Variants in KIAA1671 observed in about 807,000 individuals in gnomAD.
KIAA1671 encodes the protein KIAA1671.
KIAA1671 carries 52 observed loss-of-function variants against 131.2 expected under a neutral mutation model. The observed-to-expected ratio is 0.40, with a 90% CI of 0.32 to 0.50. KIAA1671 has a LOEUF of 0.50. Ranked by LOEUF, KIAA1671 falls within the 20% of genes least tolerant of loss-of-function variation. The pLI is 0.73. For synonymous variants in KIAA1671, 1,003 were observed against 961.6 expected (o/e 1.04, Z -0.80); for missense variants, 2,360 against 2,364.2 (o/e 1.00, Z 0.04).
intron 6 of KIAA1671, among the ~76,000 whole-genome samples, chr22:25,167,336 C>A (rs1933679344): frequency 6.6e-6 from 1 of 152,186 alleles, no homozygotes; most frequent in African/African-American, 2.4e-5. Flanking sequence ...CTAGTAATTT[C>A]TCTTACGGGA....
intron 6 of KIAA1671, among the ~76,000 whole-genome samples, chr22:25,124,686 C>A (rs988036326): frequency 2.6e-5 from 4 of 152,210 alleles, no homozygotes; most frequent in Non-Finnish European, 5.9e-5. Flanking sequence ...TCCTTACAAC[C>A]TTGATACATT....
In KIAA1671 at chr22:25,028,457, G is replaced by A. The variant is rs1251465441; in HGVS notation, c.458G>A (p.Gly153Asp). Residue 153 changes from glycine (G) to aspartate (D), a missense_variant, in exon 3 of 13, where the codon GGC becomes GAC. This residue lies in a region of KIAA1671 where 1,185 missense variants were observed against 1,126.2 expected (regional missense o/e 1.05). Transcript: ENST00000358431. Reference sequence around the variant, plus strand: ...ATTCTCTTCGAAACCACCAAAAGCGGCCCCGCTCTGGGGAAGGCGGTTAGT... The same window carrying A: ...ATTCTCTTCGAAACCACCAAAAGCGACCCCGCTCTGGGGAAGGCGGTTAGT... ...TMILFETTKS[G>D]PALGKAVSEG... is the part of the protein sequence containing the mutation. The A allele has an allele frequency of 5.8e-6, 9 of 1,550,568 alleles. No homozygotes were observed. In the East Asian group the frequency reaches 9.8e-5, roughly 17 times the overall value.
Position 25,154,722 on chromosome 22 carries a change from A to G in KIAA1671, c.4531-16098A>G, listed in dbSNP as rs145707787. On this transcript the variant is annotated intron_variant, in intron 6 of 12. Transcript: ENST00000358431. ...CAAAGGACTCTCCTTGCTGGTTGAC[A>G]GCCTGAGGTTCCAGGCACCCCCTCA... is the stretch of plus-strand genomic sequence containing the variant. 4.5e-4 allele frequency among the ~76,000 whole-genome samples: 68 copies of G among 152,292 alleles called. 1 individual carries two copies. The Middle Eastern group carries it at 0.014, about 30-fold the overall frequency.
At chr22:25,042,506 A>C (rs1602092426) in intron 5 of KIAA1671, among the ~76,000 whole-genome samples, 3 of 119,676 alleles carry the variant, frequency 2.5e-5, no homozygotes, top group South Asian at 2.7e-4. Flanking sequence ...TCACACTGTC[A>C]CCTGGGCTGG....
At chr22:25,085,787 G>A (rs398040542) in intron 6 of KIAA1671, among the ~76,000 whole-genome samples, 18 of 128,326 alleles carry the variant, frequency 1.4e-4, no homozygotes, top group Non-Finnish European at 2.8e-4. Flanking sequence ...GGGAGGAAGG[G>A]AGGGAGGGAG....
chr22:25,114,053 T>C (rs1215114055), intron 6 of KIAA1671, among the ~76,000 whole-genome samples: 1 of 152,198 alleles, frequency 6.6e-6, no homozygotes, highest in African/African-American at 2.4e-5. Context: ...TGTTACAGGT[T>C]GGTGCCACTG....
At chr22:25,069,271 T>C (rs1928678125) in intron 6 of KIAA1671, among the ~76,000 whole-genome samples, 1 of 152,172 alleles carries the variant, frequency 6.6e-6, no homozygotes, top group African/African-American at 2.4e-5. Flanking sequence ...ACAGGGATAA[T>C]TTGTCGCATT....
intron 6 of KIAA1671, among the ~76,000 whole-genome samples, chr22:25,076,747 T>C (rs2145858044): frequency 6.6e-6 from 1 of 152,326 alleles, no homozygotes; most frequent in African/African-American, 2.4e-5. Context: ...GCAGTAGTAA[T>C]TAGTGATATA....
rs1191008027 is a variant in KIAA1671 at position 25,028,582 on chromosome 22, C to T, written c.583C>T (p.Arg195Trp). Residue 195 changes from arginine to tryptophan, a missense_variant, in exon 3 of 13, where the codon CGG becomes TGG. Physicochemically the swap from Arg to Trp is moderately radical, Grantham distance 101. Coordinates refer to ENST00000358431, the MANE Select transcript of KIAA1671 (RefSeq NM_001145206.2). ...CCAGAAGCCTGCGGGGACCCTTCCC[C>T]GGTCAGCTCCCCTGTCTCAGGACAC... ...PTQKPAGTLP[R>W]SAPLSQDTKP... is the part of the protein sequence containing the mutation. The T allele has an allele frequency of 1.2e-4, 188 of 1,550,788 alleles. No homozygotes were observed. Among genetic ancestry groups the T allele is most frequent in the Non-Finnish European group, 1.5e-4 (174 of 1,146,850 alleles).
At chr22:25,106,568 C>T (rs1931013096) in intron 6 of KIAA1671, among the ~76,000 whole-genome samples, 1 of 152,172 alleles carries the variant, frequency 6.6e-6, no homozygotes, top group South Asian at 2.1e-4. Flanking sequence ...AGAGCTATAG[C>T]TGGGTCTCCA....
rs201134121 is a variant in KIAA1671, at chr22:25,069,928, T to TAC, written c.4530+20573_4530+20574dup. On this transcript the variant is annotated intron_variant, in intron 6 of 12. Transcript: ENST00000358431. ...ATACTTGACTCCACGTAAAAGCATGTACACACACACTCCTTCATGCATAAA... is the reference window on the plus strand; with the variant it reads ...ATACTTGACTCCACGTAAAAGCATGTACACACACACACTCCTTCATGCATAAA... 749 of 157,522 alleles carry TAC rather than the reference T, an allele frequency of 4.8e-3. 2 individuals are homozygous for TAC. Among genetic ancestry groups the TAC allele is most frequent in the Non-Finnish European group, 7.4e-3 (528 of 71,702 alleles). 9.8% of individuals were successfully genotyped at this position (157,522 alleles called of 1,614,324 possible).
intron 6 of KIAA1671, among the ~76,000 whole-genome samples, chr22:25,103,077 A>G (rs1486799693): frequency 6.6e-6 from 1 of 152,192 alleles, no homozygotes; most frequent in Non-Finnish European, 1.5e-5. Context: ...GACCCTCACA[A>G]GAGGCCTGGG....
intron 6 of KIAA1671, among the ~76,000 whole-genome samples, chr22:25,092,521 G>A (rs532057018): frequency 1.3e-5 from 2 of 152,302 alleles, no homozygotes; most frequent in South Asian, 4.1e-4. Flanking sequence ...AACCTCGTAG[G>A]ATGGAGAACT....
At chr22:25,019,197 A>G (rs1925524895) in intron 1 of KIAA1671, among the ~76,000 whole-genome samples, 1 of 152,044 alleles carries the variant, frequency 6.6e-6, no homozygotes, top group Non-Finnish European at 1.5e-5. Flanking sequence ...TTTGGTAGAA[A>G]TCTGACAGGA....
chr22:25,076,498 G>C (rs1242801829), intron 6 of KIAA1671, among the ~76,000 whole-genome samples: 1 of 152,122 alleles, frequency 6.6e-6, no homozygotes, highest in East Asian at 1.9e-4. Flanking sequence ...TCTCTTCTGG[G>C]GGGAGAAACC....
At position 25,187,196 on chromosome 22, in the gene KIAA1671, T is replaced by G. The variant is rs1014594102; in HGVS notation, c.5342+2077T>G. Among the ~76,000 whole-genome samples, 7 of 152,346 alleles carry G rather than the reference T, an allele frequency of 4.6e-5. No homozygotes were observed. In the East Asian group the frequency reaches 1.2e-3, roughly 25 times the overall value. On this transcript the variant is annotated intron_variant, in intron 11 of 12. Transcript: ENST00000358431. Reference sequence around the variant, plus strand: ...TCCAGGGCCACGGGTCTCAGGAGCTTTCTCTGAGAACAGAATCAGTCACGT... The same window carrying G: ...TCCAGGGCCACGGGTCTCAGGAGCTGTCTCTGAGAACAGAATCAGTCACGT...
chr22:25,021,887 C>T (rs968960151), intron 1 of KIAA1671, among the ~76,000 whole-genome samples: 1 of 151,952 alleles, frequency 6.6e-6, no homozygotes, highest in Non-Finnish European at 1.5e-5. Context: ...CCCGGGTTCA[C>T]GCCATTCTCC....
intron 1 of KIAA1671, among the ~76,000 whole-genome samples, chr22:24,967,788 C>A (rs557091039): frequency 6.6e-6 from 1 of 152,100 alleles, no homozygotes; most frequent in Non-Finnish European, 1.5e-5. Context: ...GTCAGGAGAT[C>A]GAGACCATCC....
chr22:25,151,160 C>T (rs1933025966), intron 6 of KIAA1671, among the ~76,000 whole-genome samples: 1 of 151,850 alleles, frequency 6.6e-6, no homozygotes, highest in African/African-American at 2.4e-5. Context: ...AAGAATTACT[C>T]AAGCAAACCA....
Sources: gnomAD v4.1 joint callset for allele counts (sites outside exome capture counted in the v4.1 genomes callset) on GRCh38, gnomAD v4.1.1 for gene constraint, gnomAD v4.1.1 regional missense constraint, MANE v1.5 for transcripts, NCBI Gene and HGNC (gene_info 2026-07-23, HGNC 2026-07-21) for gene names.